Variants in ANKRD46 observed in about 807,000 individuals in gnomAD.
The protein encoded by ANKRD46 is ankyrin repeat domain 46, also known as ankyrin repeat domain-containing protein 46.
A neutral mutation model predicts 19.8 loss-of-function variants in ANKRD46; 13 were observed. The ratio of observed to expected loss-of-function variants is 0.66; its 90% CI spans 0.43 to 1.04. The LOEUF (loss-of-function observed/expected upper bound fraction) is 1.04, where lower values mean the gene tolerates loss of function less well. Among genes scored for constraint, ANKRD46 ranks in the 50% least tolerant of loss-of-function variants. The pLI is 0.00. For synonymous variants in ANKRD46, 91 were observed against 106.9 expected (o/e 0.85, Z 0.92); for missense variants, 185 against 274.8 (o/e 0.67, Z 2.31).
chr8:100,510,504 CA>C lies in ANKRD46; in HGVS notation c.*72del. 1 of 1,419,602 alleles carries C rather than the reference CA, an allele frequency of 7.0e-7. No individual in the cohort carries two copies. The highest frequency in any genetic ancestry group is 9.5e-7 in the Non-Finnish European group (1 of 1,052,296). The allele number at this position is 1,419,602 out of a possible 1,614,324, so 87.9% of individuals were successfully genotyped here. ...TCGTGACGGAAACAGCCCCACCCAA[CA>C]GGGACGCTGACGTCTGTATCCCTTC... On this transcript the variant is annotated 3_prime_UTR_variant, in exon 6 of 6. Transcript: ENST00000520552. The surrounding 1 kb of genome is among the most constrained non-coding windows in gnomAD (Gnocchi z 4.9).
At chr8:100,514,371 TA>T (rs1205630219) in intron 5 of ANKRD46, among the ~76,000 whole-genome samples, 5 of 151,946 alleles carry the variant, frequency 3.3e-5, no homozygotes, top group Admixed American at 6.6e-5. Flanking sequence ...TATCTATTTT[TA>T]AAAAAAAAAT....
At chr8:100,519,624 G>C (rs1357432150), downstream of ANKRD46, among the ~76,000 whole-genome samples, 1 of 152,190 alleles carries the variant, frequency 6.6e-6, no homozygotes, top group Non-Finnish European at 1.5e-5. Context: ...CTGAGGCCTG[G>C]TTTTGAAATA....
intron 3 of ANKRD46, among the ~76,000 whole-genome samples, chr8:100,528,838 T>G (rs1001563587): frequency 6.6e-6 from 1 of 152,170 alleles, no homozygotes; most frequent in Admixed American, 6.5e-5. Flanking sequence ...TAGGGCAGTG[T>G]GTAACTGTAA....
rs1211946040 is a variant in ANKRD46 at position 100,524,261 on chromosome 8, C to T, written c.471-1490G>A. Among the ~76,000 whole-genome samples, 2 of 152,274 alleles carry T rather than the reference C, an allele frequency of 1.3e-5. No homozygotes were observed. Among genetic ancestry groups the T allele is most frequent in the East Asian group, 3.9e-4 (2 of 5,182 alleles). ...CCACCATAACCATGATCATAGGAAT[C>T]AACTATCTACTGGTTATCAAAGTTC... On this transcript the variant is annotated intron_variant, in intron 4 of 4. Transcript: ENST00000335659. This position sits in a 1 kb window ranked among gnomAD's most constrained non-coding sequence, Gnocchi z 4.3.
rs181961479 is a variant in ANKRD46 at position 100,548,595 on chromosome 8, G to A, written c.-131+11116C>T. Among the ~76,000 whole-genome samples, 223 of 152,218 alleles carry A rather than the reference G, an allele frequency of 1.5e-3. 5 individuals are homozygous for A. The highest frequency in any genetic ancestry group is 0.014 in the Admixed American group (211 of 15,296). On this transcript the variant is annotated intron_variant, in intron 1 of 4. Transcript: ENST00000335659. ...TGTTCCACACTATCCACAGTATTTC[G>A]CATTACCTATTACACACTAAGTGCT...
chr8:100,518,416 A>G (rs1440733336), downstream of ANKRD46, among the ~76,000 whole-genome samples: 1 of 152,242 alleles, frequency 6.6e-6, no homozygotes, highest in East Asian at 1.9e-4. Flanking sequence ...TATGTTGATG[A>G]CTTAATTATA....
chr8:100,517,957 G>A (rs1007172996), downstream of ANKRD46, among the ~76,000 whole-genome samples: 7 of 152,310 alleles, frequency 4.6e-5, no homozygotes, highest in South Asian at 2.1e-4. Context: ...TTGGGAGGCC[G>A]AGGCAGGCAG....
intron 1 of ANKRD46, among the ~76,000 whole-genome samples, chr8:100,552,884 T>C (rs1812422406): frequency 6.6e-6 from 1 of 152,178 alleles, no homozygotes. Context: ...TAGAACAAAA[T>C]ATCTAAATGA....
At position 100,524,916 on chromosome 8, in the gene ANKRD46, T is replaced by C. The variant is rs1293071436; in HGVS notation, c.471-2145A>G. Among the ~76,000 whole-genome samples, 1 of 152,186 alleles carries C rather than the reference T, an allele frequency of 6.6e-6. No individual in the cohort carries two copies. The highest frequency in any genetic ancestry group is 1.5e-5 in the Non-Finnish European group (1 of 68,012). On this transcript the variant is annotated intron_variant, in intron 4 of 4. Coordinates refer to ENST00000335659, the MANE Select transcript of ANKRD46 (RefSeq NM_001270377.2). The surrounding 1 kb of genome is among the most constrained non-coding windows in gnomAD (Gnocchi z 4.3). ...ATAATCTTTTTTTAAAAACGTGATATCTACACTGTCTTTGGGGGGTGTGTT... is the reference window on the plus strand; with the variant it reads ...ATAATCTTTTTTTAAAAACGTGATACCTACACTGTCTTTGGGGGGTGTGTT...
rs1811735925 is a variant in ANKRD46 at position 100,522,138 on chromosome 8, A to G, written c.*417T>C. On this transcript the variant is annotated 3_prime_UTR_variant, in exon 5 of 5. Coordinates refer to ENST00000335659, the MANE Select transcript of ANKRD46 (RefSeq NM_001270377.2). ...TAAATAAAAAGTGGCTCTTGCAAAA[A>G]TAAATGAAAACAAAACCACCAACAA... 1.0e-6 allele frequency: 1 copy of G among 990,778 alleles called. No homozygotes were observed. The highest frequency in any genetic ancestry group is 5.7e-5 in the Admixed American group (1 of 17,396). The allele number at this position is 990,778 out of a possible 1,614,324, so 61.4% of individuals were successfully genotyped here. A position where few individuals can be genotyped will look rare whatever the true frequency, so the allele number is the denominator to read the frequency against.
downstream of ANKRD46, among the ~76,000 whole-genome samples, chr8:100,518,851 C>CAA (rs774279469): frequency 5.4e-4 from 63 of 117,078 alleles, no homozygotes; most frequent in African/African-American, 2.0e-3. Context: ...GACTCTGTCT[C>CAA]AAAAAAAAAA....
intron 1 of ANKRD46, among the ~76,000 whole-genome samples, chr8:100,548,742 G>C (rs191084958): frequency 6.6e-6 from 1 of 152,024 alleles, no homozygotes; most frequent in African/African-American, 2.4e-5. Flanking sequence ...TGAAAATGAA[G>C]GCATTCACTG....
chr8:100,540,891 T>C (rs913713473), intron 1 of ANKRD46, among the ~76,000 whole-genome samples: 1 of 152,042 alleles, frequency 6.6e-6, no homozygotes, highest in African/African-American at 2.4e-5. Flanking sequence ...GTTTATAGTC[T>C]ATCATTACAT....
downstream of ANKRD46, among the ~76,000 whole-genome samples, chr8:100,518,994 G>C (rs941835014): frequency 6.6e-6 from 1 of 152,164 alleles, no homozygotes; most frequent in African/African-American, 2.4e-5. Context: ...GAACATTCAA[G>C]AATCATGTGG....
At chr8:100,522,904 CATATATAT>C (rs59062296) in intron 4 of ANKRD46, 133 bp from the exon 5 acceptor site, 236 of 305,584 alleles carry the variant, frequency 7.7e-4, no homozygotes, top group Non-Finnish European at 9.1e-4. Flanking sequence ...CACACACACA[CATATATAT>C]ATATACACAC....
At chr8:100,548,023 T>C (rs1812308243) in intron 1 of ANKRD46, among the ~76,000 whole-genome samples, 1 of 152,126 alleles carries the variant, frequency 6.6e-6, no homozygotes, top group South Asian at 2.1e-4. Context: ...AAAGTATTTT[T>C]AGTAGCTCCC....
chr8:100,552,344 T>A (rs896862305), intron 1 of ANKRD46, among the ~76,000 whole-genome samples: 1 of 151,810 alleles, frequency 6.6e-6, no homozygotes, highest in Non-Finnish European at 1.5e-5. Context: ...TCTATAGAGA[T>A]GGTTATCCTA....
At chr8:100,530,473 T>A (rs1296962882) in intron 2 of ANKRD46, among the ~76,000 whole-genome samples, 1 of 152,018 alleles carries the variant, frequency 6.6e-6, no homozygotes, top group South Asian at 2.1e-4. Context: ...AACCTCCATC[T>A]CCCGAGTTCA....
chr8:100,520,363 A>G (rs1436304172), downstream of ANKRD46, among the ~76,000 whole-genome samples: 2 of 152,190 alleles, frequency 1.3e-5, no homozygotes, highest in East Asian at 3.9e-4. Flanking sequence ...GGAAAGCACA[A>G]GCATAATTGG....
Sources: gnomAD v4.1 joint callset for allele counts (sites outside exome capture counted in the v4.1 genomes callset) on GRCh38, gnomAD v4.1.1 for gene constraint, Gnocchi (gnomAD v3.1) non-coding constraint, MANE v1.5 for transcripts, NCBI Gene and HGNC (gene_info 2026-07-23, HGNC 2026-07-21) for gene names.